The following OPA1 variants were observed in gnomAD, a reference collection of about 807,000 sequenced individuals.
OPA1 encodes the protein dynamin-like GTPase OPA1, mitochondrial.
A neutral mutation model predicts 152.9 loss-of-function variants in OPA1; 59 were observed. The observed-to-expected ratio is 0.39, with a 90% CI of 0.31 to 0.48. The LOEUF is 0.48. Ranked by LOEUF, OPA1 falls within the 20% of genes least tolerant of loss-of-function variation. OPA1 has a pLI of 0.96. For synonymous variants in OPA1, 400 were observed against 389.9 expected (o/e 1.03, Z -0.31); for missense variants, 1,008 against 1,216.8 (o/e 0.83, Z 2.55).
intron 29 of OPA1, among the ~76,000 whole-genome samples, chr3:193,675,293 G>T (rs1353218022): frequency 1.4e-5 from 2 of 142,814 alleles, no homozygotes. Context: ...AGAATTCTAG[G>T]TATGTAGGTT....
chr3:193,598,597 G>A (rs914156868), intron 1 of OPA1, among the ~76,000 whole-genome samples: 3 of 152,180 alleles, frequency 2.0e-5, no homozygotes, highest in Admixed American at 6.5e-5. Context: ...GTCAGAGGAC[G>A]AGGGAGTTTA....
At chr3:193,634,911 A>G (rs1732709668) in intron 8 of OPA1, among the ~76,000 whole-genome samples, 2 of 152,114 alleles carry the variant, frequency 1.3e-5, no homozygotes, top group African/African-American at 4.8e-5. Context: ...AGGCTAAGGG[A>G]GTTAATGCGT....
At chr3:193,659,640 T>C in intron 25 of OPA1, 79 bp downstream of exon 25, 1 of 1,094,640 alleles carries the variant, frequency 9.1e-7, no homozygotes, top group Non-Finnish European at 1.4e-6. Context: ...ATAACCTTTT[T>C]GTGGCTCTAG....
chr3:193,615,139 T>G, intron 2 of OPA1, 98 bp downstream of exon 2: 1 of 953,566 alleles, frequency 1.0e-6, no homozygotes, highest in East Asian at 2.4e-5. Flanking sequence ...ATTGGATGTT[T>G]AAACATTTAT....
intron 5 of OPA1, 33 bp downstream of exon 5, chr3:193,617,870 A>G (rs79606277): frequency 2.7e-6 from 4 of 1,509,138 alleles, no homozygotes; most frequent in East Asian, 2.3e-5. Flanking sequence ...TGACCTTAAC[A>G]TGCCTTTTAA....
intron 28 of OPA1, among the ~76,000 whole-genome samples, chr3:193,666,852 G>T (rs1716674315): frequency 6.6e-6 from 1 of 151,986 alleles, no homozygotes; most frequent in African/African-American, 2.4e-5. Flanking sequence ...GGAAAAGATG[G>T]GTGATAAAAC....
intron 22 of OPA1, among the ~76,000 whole-genome samples, chr3:193,656,837 A>C (rs1417576676): frequency 2.0e-5 from 3 of 152,202 alleles, no homozygotes; most frequent in Non-Finnish European, 2.9e-5. Flanking sequence ...GCAATTTTAA[A>C]AATGAGAACC....
intron 15 of OPA1, 68 bp downstream of exon 15, chr3:193,643,695 A>G: frequency 7.4e-7 from 1 of 1,359,308 alleles, no homozygotes. Context: ...GCTTTGCATT[A>G]AATAGTTTGT....
chr3:193,659,300 A>G (rs1354497414), intron 24 of OPA1, among the ~76,000 whole-genome samples, 182 bp from the exon 25 acceptor site: 1 of 152,202 alleles, frequency 6.6e-6, no homozygotes, highest in African/African-American at 2.4e-5. Flanking sequence ...GGTATCTTAA[A>G]CACATATATA....
Position 193,626,173 on chromosome 3 carries a change from A to G in OPA1, c.760A>G (p.Ser254Gly), listed in dbSNP as rs2108943215. 6.2e-7 allele frequency: 1 copy of G among 1,614,104 alleles called. No individual in the cohort carries two copies. Among genetic ancestry groups the G allele is most frequent in the Non-Finnish European group, 8.5e-7 (1 of 1,179,952 alleles). The change falls in exon 7 of 31, where the codon AGC (serine) becomes GGC (glycine). Residue 254 changes from serine (S) to glycine (G), a missense_variant. Ser to Gly is a moderately conservative substitution (Grantham distance 56). Transcript: ENST00000361510. Reference sequence around the variant, plus strand: ...AGCGCGCAGAGCCGCTGGCCAATATAGCACGAGCTATGCCCAACAGAAGCG... The same window carrying G: ...AGCGCGCAGAGCCGCTGGCCAATATGGCACGAGCTATGCCCAACAGAAGCG... ...EEARRAAGQY[S>G]TSYAQQKRKV...
At chr3:193,676,967 C>T (rs1259424032) in intron 29 of OPA1, among the ~76,000 whole-genome samples, 18 of 90,862 alleles carry the variant, frequency 2.0e-4, no homozygotes, top group East Asian at 6.1e-4. Context: ...GGTGACAGAG[C>T]AAGACTCGTC....
chr3:193,657,009 G>T, intron 22 of OPA1, 71 bp from the exon 23 acceptor site: 1 of 1,333,832 alleles, frequency 7.5e-7, no homozygotes, highest in Non-Finnish European at 1.0e-6. Context: ...GCTTGAGCTC[G>T]TGTTATTTTT....
intron 29 of OPA1, among the ~76,000 whole-genome samples, chr3:193,677,283 T>C (rs1719310908): frequency 6.8e-6 from 1 of 147,288 alleles, no homozygotes; most frequent in Non-Finnish European, 1.5e-5. Context: ...TTTTTTTTTC[T>C]TTTACTTCTT....
At chr3:193,606,575 G>C (rs1262263147) in intron 1 of OPA1, among the ~76,000 whole-genome samples, 2 of 152,138 alleles carry the variant, frequency 1.3e-5, no homozygotes, top group African/African-American at 2.4e-5. Context: ...CTTCATCCAT[G>C]TCCCTACAAA....
chr3:193,674,847 G>C (rs186131433), intron 29 of OPA1, among the ~76,000 whole-genome samples: 5,211 of 152,168 alleles, frequency 0.034, 330 homozygotes, highest in African/African-American at 0.12. Context: ...CTCGGAATTT[G>C]GAACTGAAAA....
At chr3:193,599,801 G>T (rs1315110274) in intron 1 of OPA1, among the ~76,000 whole-genome samples, 1 of 152,146 alleles carries the variant, frequency 6.6e-6, no homozygotes, top group African/African-American at 2.4e-5. Context: ...TCCACAAATT[G>T]GGCAGTCTCC....
At chr3:193,660,912 A>G (rs1715127488) in intron 25 of OPA1, among the ~76,000 whole-genome samples, 1 of 152,220 alleles carries the variant, frequency 6.6e-6, no homozygotes, top group Non-Finnish European at 1.5e-5. Context: ...AGGAAGATGC[A>G]TTGATTAGAA....
intron 15 of OPA1, 150 bp downstream of exon 15, chr3:193,643,777 A>C: frequency 1.1e-6 from 1 of 934,616 alleles, no homozygotes; most frequent in South Asian, 1.6e-5. Flanking sequence ...AATTAAATTG[A>C]AGTTGAAATT....
intron 1 of OPA1, among the ~76,000 whole-genome samples, chr3:193,604,405 AT>A (rs1228898130): frequency 6.6e-6 from 1 of 152,202 alleles, no homozygotes; most frequent in Non-Finnish European, 1.5e-5. Flanking sequence ...TTAAGGAAAA[AT>A]TTGGAACCCA....
Sources: allele counts gnomAD v4.1 joint callset (sites outside exome capture counted in the v4.1 genomes callset), GRCh38; gene constraint gnomAD v4.1.1; transcripts MANE v1.5; gene names NCBI Gene and HGNC (gene_info 2026-07-23, HGNC 2026-07-21).